FNBP1: variants seen among roughly 807,000 people sequenced by gnomAD.
The protein encoded by FNBP1 is formin binding protein 1, also known as formin-binding protein 1.
FNBP1 carries 26 observed loss-of-function variants against 90.6 expected under a neutral mutation model. That is an observed-to-expected ratio of 0.29 (90% CI 0.21 to 0.40). The LOEUF is 0.40. Ranked by LOEUF, FNBP1 falls within the 10% of genes least tolerant of loss-of-function variation. The pLI is 1.00. For missense variants in FNBP1, 635 were observed against 768.0 expected, an observed-to-expected ratio of 0.83 and a Z score of 2.05; for synonymous variants, 260 against 265.2, an observed-to-expected ratio of 0.98 and a Z score of 0.19.
In FNBP1 at chr9:129,915,655, C is replaced by T. The variant is rs140889474; in HGVS notation, c.1185+311G>A. On this transcript the variant is annotated intron_variant, in intron 11 of 16. Coordinates refer to ENST00000446176, the MANE Select transcript of FNBP1 (RefSeq NM_015033.3). ...CTAGGATTACAGGCGTGAGCCACTG[C>T]GCCCGGCCTTTACGTTAATATTTAT... 3.2e-3 allele frequency among the ~76,000 whole-genome samples: 487 copies of T among 152,274 alleles called. 3 individuals carry two copies. The highest frequency in any genetic ancestry group is 0.011 in the African/African-American group (469 of 41,562).
intron 1 of FNBP1, among the ~76,000 whole-genome samples, chr9:130,012,726 A>G (rs923601489): frequency 1.3e-5 from 2 of 151,990 alleles, no homozygotes; most frequent in African/African-American, 2.4e-5. Flanking sequence ...TGCAACCTCC[A>G]TCTCCTGGGT....
At chr9:130,007,322 A>G (rs1564559779) in intron 1 of FNBP1, among the ~76,000 whole-genome samples, 1 of 152,024 alleles carries the variant, frequency 6.6e-6, no homozygotes, top group Non-Finnish European at 1.5e-5. Flanking sequence ...TATTTTTATA[A>G]CAATAATTAT....
intron 11 of FNBP1, chr9:129,914,954 A>T (rs1460260178): frequency 2.3e-6 from 1 of 442,178 alleles, no homozygotes; most frequent in East Asian, 7.0e-5. Flanking sequence ...TTTGAAGTAT[A>T]GTTATAGGTT....
intron 1 of FNBP1, among the ~76,000 whole-genome samples, chr9:129,995,834 G>A (rs2053905868): frequency 6.6e-6 from 1 of 152,176 alleles, no homozygotes; most frequent in South Asian, 2.1e-4. Context: ...ACAGCTCAGA[G>A]CTAGATCACC....
intron 6 of FNBP1, among the ~76,000 whole-genome samples, chr9:129,934,740 T>A (rs537192729): frequency 6.6e-6 from 1 of 152,038 alleles, no homozygotes; most frequent in Non-Finnish European, 1.5e-5. Flanking sequence ...CCCGGCTAAT[T>A]TTTGTATTTT....
chr9:130,037,739 A>C (rs2059450871), intron 1 of FNBP1, among the ~76,000 whole-genome samples: 1 of 152,226 alleles, frequency 6.6e-6, no homozygotes, highest in South Asian at 2.1e-4. Flanking sequence ...TGCTCTAAAA[A>C]ATAGTCTATT....
intron 7 of FNBP1, among the ~76,000 whole-genome samples, chr9:129,927,616 T>C (rs1345497305): frequency 6.6e-6 from 1 of 152,164 alleles, no homozygotes; most frequent in Non-Finnish European, 1.5e-5. Flanking sequence ...TGTTTTTCTT[T>C]TTGTTTTTTT....
chr9:129,967,015 G>C (rs956069556), intron 4 of FNBP1, among the ~76,000 whole-genome samples: 2 of 152,180 alleles, frequency 1.3e-5, no homozygotes, highest in African/African-American at 4.8e-5. Context: ...GGGGTGAGAA[G>C]TGCTTGGACT....
chr9:129,911,459 A>G (rs1257479776), intron 11 of FNBP1, among the ~76,000 whole-genome samples: 1 of 152,228 alleles, frequency 6.6e-6, no homozygotes, highest in Non-Finnish European at 1.5e-5. Context: ...ATGGTTGTCC[A>G]TGCTTCAATC....
intron 6 of FNBP1, among the ~76,000 whole-genome samples, chr9:129,932,786 G>A (rs570218140): frequency 3.3e-5 from 5 of 152,016 alleles, no homozygotes; most frequent in African/African-American, 1.2e-4. Context: ...GCCCCAAAAT[G>A]TTAAGTACCC....
chr9:129,958,170 G>T (rs776570121), intron 5 of FNBP1, among the ~76,000 whole-genome samples: 4 of 151,994 alleles, frequency 2.6e-5, no homozygotes, highest in Non-Finnish European at 5.9e-5. Flanking sequence ...AGTGGCTCAC[G>T]CCTGTAATCC....
intron 6 of FNBP1, chr9:129,936,593 A>G (rs866374674): frequency 2.6e-5 from 4 of 152,114 alleles, no homozygotes; most frequent in Non-Finnish European, 5.9e-5. Flanking sequence ...TAAAAAAAAA[A>G]AAAATTTTGC....
intron 4 of FNBP1, among the ~76,000 whole-genome samples, chr9:129,977,952 G>C (rs1053006168): frequency 6.6e-6 from 1 of 152,030 alleles, no homozygotes; most frequent in Non-Finnish European, 1.5e-5. Context: ...CAGAGTGTCT[G>C]AAGGACCCTT....
intron 4 of FNBP1, among the ~76,000 whole-genome samples, chr9:129,974,062 A>ATC (rs942308799): frequency 2.0e-4 from 31 of 152,056 alleles, no homozygotes; most frequent in African/African-American, 6.5e-4. Flanking sequence ...ACCTCAAGTG[A>ATC]TCTGCCCGCC....
At chr9:129,987,086 G>C (rs1183577426) in intron 2 of FNBP1, among the ~76,000 whole-genome samples, 2 of 152,074 alleles carry the variant, frequency 1.3e-5, no homozygotes, top group Non-Finnish European at 2.9e-5. Flanking sequence ...GTTGCCTACA[G>C]AGAGAAACAT....
intron 6 of FNBP1, among the ~76,000 whole-genome samples, chr9:129,945,883 T>A (rs2045194777): frequency 6.6e-6 from 1 of 152,154 alleles, no homozygotes; most frequent in South Asian, 2.1e-4. Flanking sequence ...AAAAATTACA[T>A]GTGGCTGGGC....
chr9:129,889,086 G>GGC lies in FNBP1; in HGVS notation c.*1452_*1453insGC, dbSNP rs769053737. The GGC allele has an allele frequency of 9.5e-6, 2 of 211,032 alleles. No individual in the cohort carries two copies. The highest frequency in any genetic ancestry group is 1.4e-4 in the East Asian group (2 of 14,612). The allele number at this position is 211,032 out of a possible 1,614,324, so 13.1% of individuals were successfully genotyped here. A position where few individuals can be genotyped will look rare whatever the true frequency, so the allele number is the denominator to read the frequency against. On this transcript the variant is annotated 3_prime_UTR_variant, in exon 17 of 17. Transcript: ENST00000446176. The stretch of plus-strand genomic sequence containing the variant: ...TGCTCTGCTCTAAGGCGTGGCGGGG[G>GGC]GGGGGGGTGGTGGCCACAGATTAGG...
intron 1 of FNBP1, among the ~76,000 whole-genome samples, chr9:130,007,814 A>G (rs1473901668): frequency 1.3e-5 from 2 of 152,024 alleles, no homozygotes; most frequent in Non-Finnish European, 2.9e-5. Flanking sequence ...TCAGGAGTTC[A>G]AGACCAGCCT....
chr9:129,992,819 T>C, intron 2 of FNBP1, among the ~76,000 whole-genome samples: 1 of 149,560 alleles, frequency 6.7e-6, no homozygotes, highest in South Asian at 2.1e-4. Context: ...CCCAAAGTGC[T>C]GGGATTACAG....
Sources: allele counts gnomAD v4.1 joint callset (sites outside exome capture counted in the v4.1 genomes callset), GRCh38; gene constraint gnomAD v4.1.1; transcripts MANE v1.5; gene names NCBI Gene and HGNC (gene_info 2026-07-23, HGNC 2026-07-21).